NLGN1: variants seen among roughly 807,000 people sequenced by gnomAD.
NLGN1 encodes the protein neuroligin 1.
In NLGN1, 12 loss-of-function variants were observed where a neutral mutation model predicts 65.5. That is an observed-to-expected ratio of 0.18 (90% CI 0.12 to 0.30). The LOEUF is 0.30. Among genes scored for constraint, NLGN1 ranks in the 10% least tolerant of loss-of-function variants. NLGN1 has a pLI of 1.00. For synonymous variants in NLGN1, 350 were observed against 359.5 expected (o/e 0.97, Z 0.30); for missense variants, 750 against 1,007.1 (o/e 0.74, Z 3.46).
At chr3:174,237,152 A>G (rs1441022356) in intron 4 of NLGN1, among the ~76,000 whole-genome samples, 3 of 151,972 alleles carry the variant, frequency 2.0e-5, no homozygotes, top group Non-Finnish European at 4.4e-5. Context: ...TTGCTTTTCT[A>G]ATTTAGTGTA....
rs575458430 is a variant in NLGN1, at chr3:174,048,258, A to G, written c.647-227057A>G. 3.2e-3 allele frequency among the ~76,000 whole-genome samples: 490 copies of G among 152,160 alleles called. 2 individuals are homozygous for G. The highest frequency in any genetic ancestry group is 5.4e-3 in the Non-Finnish European group (366 of 67,984). ...TTAATTTGATCTGGAGATAGTCGTG[A>G]TGTGTAATTTTGGACCAGTCACTTG... On this transcript the variant is annotated intron_variant, in intron 4 of 6. Transcript: ENST00000457714.
intron 3 of NLGN1, among the ~76,000 whole-genome samples, chr3:173,606,830 GC>G (rs1177687696): frequency 6.6e-6 from 1 of 151,894 alleles, no homozygotes; most frequent in Non-Finnish European, 1.5e-5. Context: ...GGATATGGAG[GC>G]AATAAGGGTG....
chr3:173,788,919 C>T lies in NLGN1; in HGVS notation c.494-18761C>T, dbSNP rs139401016. 5.8e-4 allele frequency among the ~76,000 whole-genome samples: 87 copies of T among 148,884 alleles called. No homozygotes were observed. The East Asian group carries it at 0.013, about 22-fold the overall frequency. On this transcript the variant is annotated intron_variant, in intron 3 of 6. Transcript: ENST00000457714. The stretch of plus-strand genomic sequence containing the variant: ...CCAGTAAGAAAGAAAGGATGTTGGC[C>T]GGGCATGATGGCTCACGCCTGTAAT...
At chr3:174,117,005 A>G (rs181045093) in intron 4 of NLGN1, among the ~76,000 whole-genome samples, 78 of 152,268 alleles carry the variant, frequency 5.1e-4, no homozygotes, top group Admixed American at 3.7e-3. Context: ...TTTATTTTAT[A>G]TTTGTAACAG....
At chr3:173,602,827 C>T (rs1475723549) in intron 2 of NLGN1, among the ~76,000 whole-genome samples, 1 of 152,012 alleles carries the variant, frequency 6.6e-6, no homozygotes, top group Non-Finnish European at 1.5e-5. Context: ...ATTATATACA[C>T]TTTACAGAAA....
intron 4 of NLGN1, among the ~76,000 whole-genome samples, chr3:174,184,330 T>C (rs973629201): frequency 6.9e-5 from 10 of 144,240 alleles, no homozygotes; most frequent in Admixed American, 6.5e-4. Context: ...CAAATATTAA[T>C]GTAAATAGAA....
At chr3:173,592,287 TAAAG>T (rs1485244312) in intron 2 of NLGN1, among the ~76,000 whole-genome samples, 1 of 152,142 alleles carries the variant, frequency 6.6e-6, no homozygotes, top group Admixed American at 6.5e-5. Flanking sequence ...AATAACAAAA[TAAAG>T]AAGAAGCTGT....
At chr3:174,057,330 T>G (rs548459427) in intron 4 of NLGN1, among the ~76,000 whole-genome samples, 1 of 151,904 alleles carries the variant, frequency 6.6e-6, no homozygotes, top group African/African-American at 2.4e-5. Flanking sequence ...ACTGGGAAAA[T>G]AAACCAGCAC....
chr3:173,620,836 A>G (rs1174282617), intron 3 of NLGN1, among the ~76,000 whole-genome samples: 1 of 152,134 alleles, frequency 6.6e-6, no homozygotes, highest in African/African-American at 2.4e-5. Flanking sequence ...ACATGCAGAG[A>G]CAGGAAATCA....
chr3:174,030,232 C>T (rs148235071), intron 4 of NLGN1, among the ~76,000 whole-genome samples: 5,138 of 150,848 alleles, frequency 0.034, 129 homozygotes, highest in Admixed American at 0.075. Flanking sequence ...TTCAAGCGAT[C>T]CTCCTGCCTC....
chr3:173,406,555 A>C (rs1010184130), intron 1 of NLGN1, among the ~76,000 whole-genome samples: 2 of 148,502 alleles, frequency 1.3e-5, no homozygotes, highest in African/African-American at 4.9e-5. Flanking sequence ...ATATGAATAT[A>C]TATTCATATA....
chr3:173,865,973 C>T (rs1025241578), intron 4 of NLGN1, among the ~76,000 whole-genome samples: 2 of 152,114 alleles, frequency 1.3e-5, no homozygotes, highest in Non-Finnish European at 2.9e-5. Context: ...AAGTGGAAGG[C>T]ACTAGGCAGG....
At chr3:173,456,164 G>T (rs1431759046) in intron 2 of NLGN1, among the ~76,000 whole-genome samples, 1 of 152,022 alleles carries the variant, frequency 6.6e-6, no homozygotes, top group Non-Finnish European at 1.5e-5. Context: ...GGCACACTTG[G>T]CCCAGTGATG....
intron 4 of NLGN1, among the ~76,000 whole-genome samples, chr3:173,990,109 A>G (rs1720793341): frequency 6.6e-6 from 1 of 152,146 alleles, no homozygotes; most frequent in African/African-American, 2.4e-5. Context: ...TAAATAGACA[A>G]TCAACAGATA....
chr3:173,859,480 G>C (rs1728653959), intron 4 of NLGN1, among the ~76,000 whole-genome samples: 1 of 152,050 alleles, frequency 6.6e-6, no homozygotes, highest in Non-Finnish European at 1.5e-5. Flanking sequence ...CCCGATGCCT[G>C]TAAGAATCTA....
At chr3:173,761,163 A>C (rs1777916951) in intron 3 of NLGN1, among the ~76,000 whole-genome samples, 1 of 152,058 alleles carries the variant, frequency 6.6e-6, no homozygotes, top group South Asian at 2.1e-4. Flanking sequence ...ACTGAATATA[A>C]GTTAGTGTGC....
chr3:173,966,064 A>G (rs1291808426), intron 4 of NLGN1, among the ~76,000 whole-genome samples: 2 of 152,192 alleles, frequency 1.3e-5, no homozygotes, highest in Non-Finnish European at 2.9e-5. Context: ...TCTTTATAAG[A>G]ATGAAAGATT....
chr3:173,978,145 A>G (rs912627144), intron 4 of NLGN1, among the ~76,000 whole-genome samples: 5 of 152,074 alleles, frequency 3.3e-5, no homozygotes, highest in African/African-American at 1.2e-4. Context: ...GGTTTTATTG[A>G]TTCAGGGAAT....
intron 4 of NLGN1, among the ~76,000 whole-genome samples, chr3:173,934,099 G>A (rs2152292965): frequency 1.3e-5 from 2 of 151,474 alleles, no homozygotes; most frequent in South Asian, 4.1e-4. Flanking sequence ...AAAACCATAT[G>A]TGCAATAAAA....
Sources: gnomAD v4.1 joint callset for allele counts (sites outside exome capture counted in the v4.1 genomes callset) on GRCh38, gnomAD v4.1.1 for gene constraint, MANE v1.5 for transcripts, NCBI Gene and HGNC (gene_info 2026-07-23, HGNC 2026-07-21) for gene names.